LTBP1: variants seen among roughly 807,000 people sequenced by gnomAD.
LTBP1 encodes the protein latent-transforming growth factor beta-binding protein 1.
A neutral mutation model predicts 207.6 loss-of-function variants in LTBP1; 129 were observed. The observed-to-expected ratio is 0.62, with a 90% CI of 0.54 to 0.72. LTBP1 has a LOEUF of 0.72. Ranked by LOEUF, LTBP1 falls within the 30% of genes least tolerant of loss-of-function variation. The pLI, the probability that LTBP1 is intolerant of heterozygous loss-of-function variation, is 0.00. For missense variants in LTBP1, 2,281 were observed against 2,217.2 expected (o/e 1.03, Z -0.58); for synonymous variants, 963 against 833.7 (o/e 1.16, Z -2.67).
At chr2:33,273,207 A>G (rs1167160291) in intron 15 of LTBP1, among the ~76,000 whole-genome samples, 1 of 152,160 alleles carries the variant, frequency 6.6e-6, no homozygotes, top group East Asian at 1.9e-4. Flanking sequence ...TTGAAACTCA[A>G]ATATGGCCTG....
At chr2:33,062,417 G>A (rs934129467) in intron 3 of LTBP1, among the ~76,000 whole-genome samples, 1 of 152,068 alleles carries the variant, frequency 6.6e-6, no homozygotes. Flanking sequence ...CTAGAGCTTT[G>A]TTGTTTTAGC....
At position 32,947,309 on chromosome 2, in the gene LTBP1, CCCGCTGGGG is replaced by C; in HGVS notation, c.-13_-5del. 8.1e-7 allele frequency: 1 copy of C among 1,227,864 alleles called. No individual in the cohort carries two copies. The highest frequency in any genetic ancestry group is 1.0e-6 in the Non-Finnish European group (1 of 985,072). The allele number at this position is 1,227,864 out of a possible 1,614,324, so 76.1% of individuals were successfully genotyped here. ...GCCGGACCGCGCGCGACCGGTCGCG[CCCGCTGGGG>C]CCCGCGATGGCGGGGGCCTGGCTCA... is the stretch of plus-strand genomic sequence containing the variant. On this transcript the variant is annotated 5_prime_UTR_variant, in exon 1 of 34. Transcript: ENST00000404816.
At chr2:33,163,355 T>A (rs2084626764) in intron 5 of LTBP1, among the ~76,000 whole-genome samples, 1 of 152,102 alleles carries the variant, frequency 6.6e-6, no homozygotes, top group African/African-American at 2.4e-5. Context: ...GTACAAAACA[T>A]GGCCTTAAAA....
intron 5 of LTBP1, among the ~76,000 whole-genome samples, chr2:33,147,053 A>C (rs1026427344): frequency 2.0e-5 from 3 of 152,228 alleles, no homozygotes; most frequent in African/African-American, 7.2e-5. Context: ...GGATATAATT[A>C]GTAACTCAGA....
intron 26 of LTBP1, among the ~76,000 whole-genome samples, chr2:33,358,349 C>T (rs1002777626): frequency 4.0e-5 from 6 of 151,822 alleles, no homozygotes; most frequent in African/African-American, 1.4e-4. Flanking sequence ...GTGTAACAAA[C>T]ATTTTAGTAA....
intron 2 of LTBP1, among the ~76,000 whole-genome samples, chr2:33,004,786 A>AAATATATATATATATATAT (rs1686542350): frequency 9.9e-6 from 1 of 101,128 alleles, no homozygotes. Flanking sequence ...AAAAAAAAGG[A>AAATATATATATATATATAT]ATATATATAT....
intron 7 of LTBP1, among the ~76,000 whole-genome samples, chr2:33,199,316 C>A (rs1224885409): frequency 1.3e-5 from 2 of 152,056 alleles, no homozygotes; most frequent in Non-Finnish European, 2.9e-5. Context: ...GCTTTACTTC[C>A]AAGTATGTGG....
chr2:33,260,306 T>A (rs74326300), intron 13 of LTBP1, among the ~76,000 whole-genome samples: 2,939 of 152,330 alleles, frequency 0.019, 44 homozygotes, highest in Middle Eastern at 0.11. Flanking sequence ...GTCAGAGAAC[T>A]ACTATGATAT....
chr2:33,089,650 ACATCT>A (rs1349877717), intron 3 of LTBP1, among the ~76,000 whole-genome samples: 4 of 152,266 alleles, frequency 2.6e-5, no homozygotes, highest in Non-Finnish European at 1.5e-5. Flanking sequence ...GTCATTATAC[ACATCT>A]CATGTTGAAT....
chr2:33,149,709 A>G (rs1445115613), intron 5 of LTBP1, among the ~76,000 whole-genome samples: 1 of 152,206 alleles, frequency 6.6e-6, no homozygotes, highest in African/African-American at 2.4e-5. Flanking sequence ...GAAATGACAA[A>G]TGGGAAACCG....
intron 7 of LTBP1, among the ~76,000 whole-genome samples, chr2:33,213,869 A>ATGC (rs1486331216): frequency 1.3e-5 from 2 of 152,208 alleles, no homozygotes; most frequent in Non-Finnish European, 2.9e-5. Flanking sequence ...TGGATGGCTT[A>ATGC]TGCTGCTCTT....
At chr2:33,299,013 C>T (rs779351595) in intron 20 of LTBP1, among the ~76,000 whole-genome samples, 4 of 152,068 alleles carry the variant, frequency 2.6e-5, no homozygotes, top group Non-Finnish European at 4.4e-5. Context: ...TGGTGGCTAA[C>T]GCCTGTAATC....
intron 5 of LTBP1, among the ~76,000 whole-genome samples, chr2:33,185,336 G>A (rs6757381): frequency 0.078 from 11,883 of 152,168 alleles, 980 homozygotes; most frequent in African/African-American, 0.21. Flanking sequence ...CTTAAAGATC[G>A]CTTGGTGGAT....
chr2:33,328,669 A>G (rs2094459057), intron 24 of LTBP1, among the ~76,000 whole-genome samples: 1 of 152,212 alleles, frequency 6.6e-6, no homozygotes, highest in South Asian at 2.1e-4. Flanking sequence ...GCCTCCACCT[A>G]GTTCTGCCCT....
intron 28 of LTBP1, 45 bp from the exon 29 acceptor site, chr2:33,363,345 T>C: frequency 1.9e-6 from 3 of 1,606,406 alleles, no homozygotes; most frequent in Non-Finnish European, 2.6e-6. Context: ...AATTGAAAGA[T>C]CAAACCTAAC....
chr2:33,249,323 TCACACACACACACACACACA>T (rs61249844), intron 10 of LTBP1, among the ~76,000 whole-genome samples: 4 of 141,426 alleles, frequency 2.8e-5, no homozygotes, highest in South Asian at 2.4e-4. Flanking sequence ...GTCTGATTTT[TCACACACACACACACACACA>T]CACACACACA....
At chr2:33,287,715 T>C (rs1432175637) in intron 19 of LTBP1, among the ~76,000 whole-genome samples, 1 of 152,268 alleles carries the variant, frequency 6.6e-6, no homozygotes, top group Non-Finnish European at 1.5e-5. Context: ...CTTCTCCAGT[T>C]CTGCAAAGCC....
intron 2 of LTBP1, among the ~76,000 whole-genome samples, chr2:32,972,192 T>C (rs556417031): frequency 6.6e-6 from 1 of 152,048 alleles, no homozygotes; most frequent in African/African-American, 2.4e-5. Context: ...ATCTTCTCTT[T>C]TTTTTTCTTA....
chr2:33,257,270 C>T lies in LTBP1; in HGVS notation c.2168-14C>T. 6.3e-7 allele frequency: 1 copy of T among 1,598,762 alleles called. No homozygotes were observed. Among genetic ancestry groups the T allele is most frequent in the Non-Finnish European group, 8.6e-7 (1 of 1,166,396 alleles). Reference sequence around the variant, plus strand: ...TAGATTTTTAAAAGGAATATTTTCCCATCCCAAATCTAGCTGCTTTTAAGG... The same window carrying T: ...TAGATTTTTAAAAGGAATATTTTCCTATCCCAAATCTAGCTGCTTTTAAGG... On this transcript the variant is annotated splice_polypyrimidine_tract_variant and intron_variant, in intron 11 of 33. Coordinates refer to ENST00000404816, the MANE Select transcript of LTBP1 (RefSeq NM_206943.4).
Sources: gnomAD v4.1 joint callset for allele counts (sites outside exome capture counted in the v4.1 genomes callset) on GRCh38, gnomAD v4.1.1 for gene constraint, MANE v1.5 for transcripts, NCBI Gene and HGNC (gene_info 2026-07-23, HGNC 2026-07-21) for gene names.